Variants in PACRG observed in about 807,000 individuals in gnomAD.
PACRG encodes the protein parkin coregulated gene protein.
PACRG carries 29 observed loss-of-function variants against 29.7 expected under a neutral mutation model. The ratio of observed to expected loss-of-function variants is 0.98; its 90% CI spans 0.73 to 1.33. The LOEUF (loss-of-function observed/expected upper bound fraction) is 1.33. PACRG is among the 40% of genes most tolerant of loss of function. The pLI is 0.00. For synonymous variants in PACRG, 116 were observed against 118.7 expected (o/e 0.98, Z 0.15); for missense variants, 279 against 316.2 (o/e 0.88, Z 0.89).
chr6:163,096,934 G>A (rs979509633), intron 4 of PACRG, among the ~76,000 whole-genome samples: 1 of 152,160 alleles, frequency 6.6e-6, no homozygotes, highest in Non-Finnish European at 1.5e-5. Flanking sequence ...GAAATGCAAT[G>A]CAAAGTTCAT....
Position 162,882,985 on chromosome 6 carries a change from C to T in PACRG, c.291+68704C>T, listed in dbSNP as rs531903510. 1.7e-4 allele frequency among the ~76,000 whole-genome samples: 26 copies of T among 152,346 alleles called. 1 individual carries two copies. The highest frequency in any genetic ancestry group is 6.8e-3 in the Middle Eastern group (2 of 294). On this transcript the variant is annotated intron_variant, in intron 2 of 4. Coordinates refer to ENST00000366888, the MANE Select transcript of PACRG (RefSeq NM_001080379.2). ...AGCCAGGCTTGAGCTGTGCTCTCTG[C>T]GCTCTGACCCTCACTGGCAGGGGCA...
intron 4 of PACRG, chr6:163,182,481 G>T (rs1047264873): frequency 6.6e-6 from 1 of 152,160 alleles, no homozygotes; most frequent in African/African-American, 2.4e-5. Context: ...TTTCTGTGCT[G>T]CTGAAACAGT....
chr6:162,970,351 C>T (rs989783210), intron 2 of PACRG, among the ~76,000 whole-genome samples: 24 of 152,248 alleles, frequency 1.6e-4, no homozygotes, highest in Admixed American at 1.0e-3. Flanking sequence ...TTCGGAGCTG[C>T]TGTGGGAATA....
chr6:162,971,920 G>C (rs1312636885), intron 2 of PACRG, among the ~76,000 whole-genome samples: 1 of 152,126 alleles, frequency 6.6e-6, no homozygotes, highest in Admixed American at 6.5e-5. Flanking sequence ...CTCCTTCCTT[G>C]TGTCTCTTCG....
chr6:162,822,919 C>T (rs887794046), intron 2 of PACRG, among the ~76,000 whole-genome samples: 2 of 152,028 alleles, frequency 1.3e-5, no homozygotes, highest in African/African-American at 4.8e-5. Context: ...ATATGTATAA[C>T]ATATAACATA....
chr6:162,735,649 C>T (rs902464248), intron 1 of PACRG, among the ~76,000 whole-genome samples: 2 of 152,066 alleles, frequency 1.3e-5, no homozygotes, highest in African/African-American at 4.8e-5. Flanking sequence ...ATATGAGGCA[C>T]TTGTCTAGTA....
intron 2 of PACRG, among the ~76,000 whole-genome samples, chr6:162,974,751 C>T (rs1430389987): frequency 3.3e-5 from 5 of 152,004 alleles, no homozygotes; most frequent in East Asian, 1.9e-4. Flanking sequence ...TAATCTTATC[C>T]GGGAGATATT....
intron 2 of PACRG, among the ~76,000 whole-genome samples, chr6:162,962,504 G>A (rs995687863): frequency 6.6e-6 from 1 of 152,070 alleles, no homozygotes; most frequent in Non-Finnish European, 1.5e-5. Flanking sequence ...TGTGTTTTGG[G>A]GTAATTAGGT....
At chr6:163,149,607 GC>G (rs1463801759) in intron 4 of PACRG, among the ~76,000 whole-genome samples, 1 of 151,942 alleles carries the variant, frequency 6.6e-6, no homozygotes, top group African/African-American at 2.4e-5. Context: ...CTCCCTGCAG[GC>G]CCCTTCTCCT....
At chr6:163,208,925 C>A (rs1781022201) in intron 4 of PACRG, among the ~76,000 whole-genome samples, 1 of 152,104 alleles carries the variant, frequency 6.6e-6, no homozygotes, top group Non-Finnish European at 1.5e-5. Context: ...ATGTTTTTCT[C>A]CAAATTTATT....
intron 2 of PACRG, among the ~76,000 whole-genome samples, chr6:162,991,918 A>G (rs1803463137): frequency 1.7e-5 from 2 of 119,228 alleles, no homozygotes; most frequent in South Asian, 2.8e-4. Context: ...TGTCCCATCA[A>G]TACCTAATTT....
chr6:162,857,302 G>A (rs768776982), intron 2 of PACRG, among the ~76,000 whole-genome samples: 12 of 152,138 alleles, frequency 7.9e-5, no homozygotes, highest in Non-Finnish European at 1.3e-4. Flanking sequence ...GGGCCCTCCC[G>A]TGTCACTTAA....
chr6:163,210,294 G>A (rs1218690309), intron 4 of PACRG, among the ~76,000 whole-genome samples: 2 of 152,164 alleles, frequency 1.3e-5, no homozygotes, highest in Non-Finnish European at 2.9e-5. Context: ...TTTAGATATT[G>A]TAATACCAAT....
At chr6:163,040,570 C>A (rs1808600933) in intron 2 of PACRG, among the ~76,000 whole-genome samples, 1 of 152,206 alleles carries the variant, frequency 6.6e-6, no homozygotes, top group Admixed American at 6.5e-5. Flanking sequence ...AGGAAGTGTA[C>A]CCTGCAGAGT....
intron 2 of PACRG, among the ~76,000 whole-genome samples, chr6:163,000,071 C>T (rs1804441581): frequency 6.6e-6 from 1 of 152,202 alleles, no homozygotes; most frequent in Non-Finnish European, 1.5e-5. Flanking sequence ...GCAGGGTTCT[C>T]TGTAGATTAG....
chr6:162,908,781 TGTG>T (rs1413251494), intron 2 of PACRG, among the ~76,000 whole-genome samples: 1 of 152,202 alleles, frequency 6.6e-6, no homozygotes, highest in African/African-American at 2.4e-5. Flanking sequence ...ACTGCTTGGC[TGTG>T]GCAGTGGCTA....
intron 4 of PACRG, among the ~76,000 whole-genome samples, chr6:163,303,920 G>A (rs1785096623): frequency 6.7e-6 from 1 of 148,978 alleles, no homozygotes; most frequent in African/African-American, 2.5e-5. Context: ...GGAGGCTGAG[G>A]CAGGAGAATC....
chr6:163,051,991 CAT>C (rs1339754594), intron 2 of PACRG: 2 of 152,154 alleles, frequency 1.3e-5, no homozygotes, highest in African/African-American at 4.8e-5. Context: ...TTAAGAATCT[CAT>C]GTGCTATATT....
intron 2 of PACRG, among the ~76,000 whole-genome samples, chr6:162,996,591 T>C (rs1804080078): frequency 6.6e-6 from 1 of 152,136 alleles, no homozygotes. Flanking sequence ...TGGAATATTA[T>C]ATAACAATTT....
Sources: allele counts gnomAD v4.1 joint callset (sites outside exome capture counted in the v4.1 genomes callset), GRCh38; gene constraint gnomAD v4.1.1; transcripts MANE v1.5; gene names NCBI Gene and HGNC (gene_info 2026-07-23, HGNC 2026-07-21).